The following MAPKAP1 variants were observed in gnomAD, a reference collection of about 807,000 sequenced individuals.
MAPKAP1 encodes the protein target of rapamycin complex 2 subunit MAPKAP1.
Under a neutral mutation model 65.7 loss-of-function variants are expected in MAPKAP1, and 20 were observed. The observed-to-expected ratio is 0.30, with a 90% CI of 0.21 to 0.44. The LOEUF is 0.44. MAPKAP1 is among the 20% of genes least tolerant of loss of function. The probability of loss-of-function intolerance (pLI) is 1.00; values close to 1 mark genes in which losing one functional copy is unlikely to be tolerated. For missense variants in MAPKAP1, 423 were observed against 648.0 expected (o/e 0.65, Z 3.77); for synonymous variants, 222 against 244.3 (o/e 0.91, Z 0.85).
In MAPKAP1 at chr9:125,444,509, C is replaced by T. The variant is rs1286688773; in HGVS notation, c.1435G>A (p.Val479Met). Reference protein sequence around the residue: ...ESDAATVNEIVLKVNYILESR... With the variant: ...ESDAATVNEIMLKVNYILESR... ...CAAGAAGGAATACTCACCTTGAGCA[C>T]AATTTCATTGACGGTAGCAGCGTCC... Residue 479 changes from valine to methionine, a missense_variant, in exon 11 of 12, where the codon GTG (valine) becomes ATG (methionine). Around this residue, in one of 6 missense-constraint regions of MAPKAP1, gnomAD observed 185 missense variants for 268.1 expected, o/e 0.69. Transcript: ENST00000265960. The T allele has an allele frequency of 6.2e-7, 1 of 1,611,898 alleles. No individual in the cohort carries two copies. The highest frequency in any genetic ancestry group is 8.5e-7 in the Non-Finnish European group (1 of 1,178,604).
intron 7 of MAPKAP1, 150 bp from the exon 8 acceptor site, chr9:125,506,567 T>G: frequency 1.5e-6 from 1 of 659,694 alleles, no homozygotes; most frequent in Non-Finnish European, 2.6e-6. Context: ...GATGGAAGTT[T>G]GGGGTTTCTT....
At chr9:125,693,800 T>C (rs894551277) in intron 1 of MAPKAP1, among the ~76,000 whole-genome samples, 19 of 137,010 alleles carry the variant, frequency 1.4e-4, no homozygotes, top group Non-Finnish European at 2.3e-4. Context: ...TATACACACA[T>C]ATATATACAC....
chr9:125,625,265 A>AT (rs1833080110), intron 4 of MAPKAP1, among the ~76,000 whole-genome samples: 1 of 145,266 alleles, frequency 6.9e-6, no homozygotes, highest in Non-Finnish European at 1.5e-5. Flanking sequence ...TAAAAAAAAA[A>AT]AAAAAAAAAA....
chr9:125,527,080 T>TG (rs893511206), intron 7 of MAPKAP1, among the ~76,000 whole-genome samples: 5 of 151,324 alleles, frequency 3.3e-5, no homozygotes, highest in African/African-American at 1.2e-4. Context: ...TTGTTTTTTT[T>TG]GGGGGATGTA....
At chr9:125,550,159 C>G (rs1448014169) in intron 6 of MAPKAP1, among the ~76,000 whole-genome samples, 2 of 152,102 alleles carry the variant, frequency 1.3e-5, no homozygotes, top group African/African-American at 4.8e-5. Flanking sequence ...GCAGTGCAGA[C>G]AGGATCTGGA....
rs1239360151 is a variant in MAPKAP1, at chr9:125,437,949, G to C, written c.*938C>G. 7 of 156,880 alleles carry C rather than the reference G, an allele frequency of 4.5e-5. 1 individual carries two copies. Among genetic ancestry groups the C allele is most frequent in the Admixed American group, 1.3e-4 (2 of 15,406 alleles). 9.7% of individuals were successfully genotyped at this position (156,880 alleles called of 1,614,324 possible). A position where few individuals can be genotyped will look rare whatever the true frequency, so the allele number is the denominator to read the frequency against. ...GCTCACCCCTCTCCCTGAAACGTGAGAAACAGCAGCTTTCCGCCTGCTTGA... is the reference window on the plus strand; with the variant it reads ...GCTCACCCCTCTCCCTGAAACGTGACAAACAGCAGCTTTCCGCCTGCTTGA... On this transcript the variant is annotated 3_prime_UTR_variant, in exon 12 of 12. Transcript: ENST00000265960.
chr9:125,447,601 G>A lies in MAPKAP1; in HGVS notation c.1346-3003C>T, dbSNP rs1439179371. 1.2e-5 allele frequency: 5 copies of A among 415,062 alleles called. No individual in the cohort carries two copies. Among genetic ancestry groups the A allele is most frequent in the Admixed American group, 1.0e-4 (4 of 39,694 alleles). The allele number at this position is 415,062 out of a possible 1,614,324, so 25.7% of individuals were successfully genotyped here. ...TTCCCCTCGCTAGCAGCCCTGTTTCGCTGGGCGGCCAGAAGGGCAGTTTTC... is the reference window on the plus strand; with the variant it reads ...TTCCCCTCGCTAGCAGCCCTGTTTCACTGGGCGGCCAGAAGGGCAGTTTTC... On this transcript the variant is annotated intron_variant, in intron 10 of 11. Transcript: ENST00000265960. The surrounding 1 kb of genome is among the most constrained non-coding windows in gnomAD (Gnocchi z 4.5).
intron 5 of MAPKAP1, among the ~76,000 whole-genome samples, chr9:125,583,420 T>C (rs1831683776): frequency 6.6e-6 from 1 of 152,212 alleles, no homozygotes; most frequent in Non-Finnish European, 1.5e-5. Flanking sequence ...AACAGAAAGG[T>C]CCCTGATGGC....
At chr9:125,491,871 T>C (rs542517529) in intron 8 of MAPKAP1, among the ~76,000 whole-genome samples, 2 of 152,124 alleles carry the variant, frequency 1.3e-5, no homozygotes, top group South Asian at 4.2e-4. Flanking sequence ...TTAAAATTAA[T>C]CAATTTTTAA....
intron 4 of MAPKAP1, among the ~76,000 whole-genome samples, chr9:125,634,242 A>C (rs1446704903): frequency 6.6e-6 from 1 of 152,230 alleles, no homozygotes; most frequent in Non-Finnish European, 1.5e-5. Flanking sequence ...AGTGCTGCTG[A>C]TAAGAGGTTT....
At chr9:125,513,186 G>A (rs1183255806) in intron 7 of MAPKAP1, 1 of 152,230 alleles carries the variant, frequency 6.6e-6, no homozygotes, top group Non-Finnish European at 1.5e-5. Context: ...TGGGACCACA[G>A]GTACACACCA....
At chr9:125,626,820 A>C (rs1185963055) in intron 4 of MAPKAP1, among the ~76,000 whole-genome samples, 2 of 152,258 alleles carry the variant, frequency 1.3e-5, no homozygotes, top group Non-Finnish European at 1.5e-5. Flanking sequence ...GGTGTGATTA[A>C]TATTCATGTC....
intron 7 of MAPKAP1, among the ~76,000 whole-genome samples, chr9:125,522,547 G>A (rs1289734071): frequency 6.6e-6 from 1 of 152,100 alleles, no homozygotes; most frequent in Non-Finnish European, 1.5e-5. Flanking sequence ...CATTAAATCG[G>A]CTCCCAAGTT....
At chr9:125,524,153 C>T (rs1265773433) in intron 7 of MAPKAP1, among the ~76,000 whole-genome samples, 1 of 152,250 alleles carries the variant, frequency 6.6e-6, no homozygotes, top group African/African-American at 2.4e-5. Context: ...TTAATTACCA[C>T]TACCCTGTCC....
intron 4 of MAPKAP1, among the ~76,000 whole-genome samples, chr9:125,640,896 A>T (rs1229110164): frequency 6.6e-6 from 1 of 152,238 alleles, no homozygotes; most frequent in African/African-American, 2.4e-5. Context: ...AGTATTTGAC[A>T]AGCAAATAAA....
chr9:125,475,889 G>C (rs558236002), intron 9 of MAPKAP1, among the ~76,000 whole-genome samples: 1 of 152,290 alleles, frequency 6.6e-6, no homozygotes, highest in Non-Finnish European at 1.5e-5. Context: ...GGCCCTGTTG[G>C]AGCTCAGGTG....
intron 6 of MAPKAP1, among the ~76,000 whole-genome samples, chr9:125,552,579 C>T (rs1830614749): frequency 6.6e-6 from 1 of 152,042 alleles, no homozygotes; most frequent in Admixed American, 6.6e-5. Context: ...TAAAAAATAA[C>T]TCAAAGGAAG....
intron 3 of MAPKAP1, among the ~76,000 whole-genome samples, chr9:125,665,413 C>T (rs570157828): frequency 1.4e-4 from 21 of 152,278 alleles, no homozygotes; most frequent in African/African-American, 4.3e-4. Context: ...CTTTTGAAAA[C>T]CATAACTTAC....
intron 6 of MAPKAP1, among the ~76,000 whole-genome samples, chr9:125,547,891 G>A (rs1468478631): frequency 6.6e-6 from 1 of 152,162 alleles, no homozygotes; most frequent in East Asian, 1.9e-4. Flanking sequence ...TTAATTCACT[G>A]GCTTTGCATG....
Sources: allele counts gnomAD v4.1 joint callset (sites outside exome capture counted in the v4.1 genomes callset), GRCh38; gene constraint gnomAD v4.1.1; regional missense constraint gnomAD v4.1.1; non-coding constraint Gnocchi (gnomAD v3.1); transcripts MANE v1.5; gene names NCBI Gene and HGNC (gene_info 2026-07-23, HGNC 2026-07-21).